RDX: variants seen among roughly 807,000 people sequenced by gnomAD.
RDX encodes deafness, autosomal recessive 24.
RDX carries 32 observed loss-of-function variants against 83.7 expected under a neutral mutation model. The observed-to-expected ratio is 0.38, with a 90% CI of 0.29 to 0.51. The LOEUF is 0.51. RDX is among the 20% of genes least tolerant of loss of function. RDX has a pLI of 0.87. For missense variants in RDX, 600 were observed against 689.9 expected (o/e 0.87, Z 1.46); for synonymous variants, 229 against 222.7 (o/e 1.03, Z -0.25).
At chr11:110,199,736 G>A in intron 14 of RDX, 2 of 702,766 alleles carry the variant, frequency 2.8e-6, no homozygotes, top group Non-Finnish European at 5.2e-6. Context: ...ACAGTAGGAA[G>A]CTGAATGGGC....
intron 15 of RDX, among the ~76,000 whole-genome samples, chr11:110,192,778 A>G (rs1363686039): frequency 6.6e-6 from 1 of 152,192 alleles, no homozygotes; most frequent in African/African-American, 2.4e-5. Context: ...CGCATCACTA[A>G]TTACCAGAGA....
At chr11:110,203,662 CA>C (rs1863497091) in intron 14 of RDX, among the ~76,000 whole-genome samples, 1 of 151,568 alleles carries the variant, frequency 6.6e-6, no homozygotes, top group Non-Finnish European at 1.5e-5. Flanking sequence ...TATGTGCCCA[CA>C]AAAATTAAAA....
At position 110,233,221 on chromosome 11, in the gene RDX, T is replaced by C. The variant is rs773703592; in HGVS notation, c.1587+16A>G. ...ACTATATTTCAAATGCACATACAAC[T>C]GCAAATTTTAAATACCTGAAGTTGC... On this transcript the variant is annotated intron_variant, in intron 13 of 13. Coordinates refer to ENST00000645495, the MANE Select transcript of RDX (RefSeq NM_002906.4). 1.9e-6 allele frequency: 3 copies of C among 1,612,314 alleles called. No homozygotes were observed. Among genetic ancestry groups the C allele is most frequent in the Middle Eastern group, 2.1e-4 (1 of 4,716 alleles).
At chr11:110,271,196 A>T (rs1414447301) in intron 3 of RDX, among the ~76,000 whole-genome samples, 1 of 152,246 alleles carries the variant, frequency 6.6e-6, no homozygotes, top group South Asian at 2.1e-4. Flanking sequence ...ATTACTTGTC[A>T]GGAGAATAAA....
At chr11:110,277,119 TCAA>T (rs1232674644) in intron 2 of RDX, among the ~76,000 whole-genome samples, 1 of 152,184 alleles carries the variant, frequency 6.6e-6, no homozygotes, top group Non-Finnish European at 1.5e-5. Flanking sequence ...CTTTAATGAA[TCAA>T]CAACACACAA....
At chr11:110,250,195 AG>A (rs1397424213) in intron 9 of RDX, among the ~76,000 whole-genome samples, 6 of 152,258 alleles carry the variant, frequency 3.9e-5, no homozygotes, top group Admixed American at 6.5e-5. Context: ...TGGCCCCCAC[AG>A]TGGCTGCTGA....
chr11:110,280,247 T>A (rs1217727902), intron 1 of RDX, among the ~76,000 whole-genome samples: 1 of 152,196 alleles, frequency 6.6e-6, no homozygotes, highest in Non-Finnish European at 1.5e-5. Flanking sequence ...ACTAATTTTT[T>A]TTTTTTATTT....
intron 15 of RDX, among the ~76,000 whole-genome samples, chr11:110,187,244 AG>A (rs1328711114): frequency 1.3e-5 from 2 of 152,098 alleles, no homozygotes; most frequent in Non-Finnish European, 2.9e-5. Flanking sequence ...AGTCTTCCTG[AG>A]TGAGTCCTTG....
At chr11:110,191,049 C>T (rs1303667701) in intron 15 of RDX, among the ~76,000 whole-genome samples, 1 of 152,160 alleles carries the variant, frequency 6.6e-6, no homozygotes, top group Non-Finnish European at 1.5e-5. Flanking sequence ...TGAAACTATA[C>T]CCAAAAATTG....
At chr11:110,271,559 T>C (rs1195627086) in intron 3 of RDX, among the ~76,000 whole-genome samples, 2 of 152,200 alleles carry the variant, frequency 1.3e-5, no homozygotes, top group Non-Finnish European at 2.9e-5. Context: ...TACAACATTA[T>C]CTGGGAAGCT....
chr11:110,279,839 A>T, intron 1 of RDX, 83 bp from the exon 2 acceptor site: 2 of 575,554 alleles, frequency 3.5e-6, no homozygotes, highest in South Asian at 4.5e-5. Flanking sequence ...GATATAAATT[A>T]AAATATTTGA....
chr11:110,271,508 C>T (rs969668671), intron 3 of RDX, among the ~76,000 whole-genome samples: 30 of 152,322 alleles, frequency 2.0e-4, no homozygotes, highest in African/African-American at 5.3e-4. Flanking sequence ...TGGGGCCAAT[C>T]CCTTACCTCG....
At position 110,191,730 on chromosome 11, in the gene RDX, C is replaced by T. The variant is rs529827713; in HGVS notation, c.*31+7851G>A. 1.3e-3 allele frequency among the ~76,000 whole-genome samples: 204 copies of T among 152,300 alleles called. 1 individual carries two copies. Among genetic ancestry groups the T allele is most frequent in the Non-Finnish European group, 2.7e-3 (184 of 68,032 alleles). On this transcript the variant is annotated intron_variant, in intron 15 of 15. Coordinates refer to the RDX transcript ENST00000528498. ...AATTAGCCAGGTGTGGTGCTGTGTG[C>T]CTGTAGTCCCAGCTACTCAGGAAGC...
chr11:110,277,555 A>G (rs1424308264), intron 2 of RDX, among the ~76,000 whole-genome samples: 1 of 152,034 alleles, frequency 6.6e-6, no homozygotes, highest in Non-Finnish European at 1.5e-5. Context: ...CCTGACTTCA[A>G]GTGATACTCC....
chr11:110,181,699 T>C (rs941480767), intron 15 of RDX: 4 of 152,496 alleles, frequency 2.6e-5, no homozygotes, highest in Admixed American at 6.5e-5. Flanking sequence ...AGTACCAGGC[T>C]GTACAGTCCG....
chr11:110,275,278 A>G (rs569666697), intron 2 of RDX, among the ~76,000 whole-genome samples: 1 of 152,278 alleles, frequency 6.6e-6, no homozygotes, highest in Non-Finnish European at 1.5e-5. Context: ...TAAGATTACT[A>G]ATCAGCTGAC....
chr11:110,265,388 G>T (rs985645253), intron 3 of RDX, among the ~76,000 whole-genome samples: 2 of 151,642 alleles, frequency 1.3e-5, no homozygotes, highest in African/African-American at 4.8e-5. Context: ...CACTGCACCT[G>T]GCCTCTAATC....
chr11:110,257,063 T>C (rs1453622511), intron 7 of RDX, among the ~76,000 whole-genome samples: 1 of 151,802 alleles, frequency 6.6e-6, no homozygotes, highest in African/African-American at 2.4e-5. Flanking sequence ...AAAGTAAGAG[T>C]CTGATGTATT....
intron 7 of RDX, among the ~76,000 whole-genome samples, chr11:110,256,015 C>T (rs1859532002): frequency 6.6e-6 from 1 of 152,142 alleles, no homozygotes; most frequent in African/African-American, 2.4e-5. Flanking sequence ...CTATACACAG[C>T]AGTTGACTCC....
Sources: gnomAD v4.1 joint callset for allele counts (sites outside exome capture counted in the v4.1 genomes callset) on GRCh38, gnomAD v4.1.1 for gene constraint, MANE v1.5 for transcripts, NCBI Gene and HGNC (gene_info 2026-07-23, HGNC 2026-07-21) for gene names.